LCLAT1: variants seen among roughly 807,000 people sequenced by gnomAD.
LCLAT1 encodes lysocardiolipin acyltransferase 1.
Under a neutral mutation model 30.7 loss-of-function variants are expected in LCLAT1, and 11 were observed. The ratio of observed to expected loss-of-function variants is 0.36; its 90% CI spans 0.23 to 0.59. LCLAT1 has a LOEUF of 0.59. Ranked by LOEUF, LCLAT1 falls within the 20% of genes least tolerant of loss-of-function variation. LCLAT1 has a pLI of 0.77. For synonymous variants in LCLAT1, 155 were observed against 151.3 expected, an observed-to-expected ratio of 1.02 and a Z score of -0.18; for missense variants, 402 against 458.6, an observed-to-expected ratio of 0.88 and a Z score of 1.13.
chr2:30,447,347 C>T lies in LCLAT1; in HGVS notation c.-41C>T, dbSNP rs932934202. The T allele has an allele frequency of 6.6e-6, 1 of 152,170 alleles. No individual in the cohort carries two copies. Among genetic ancestry groups the T allele is most frequent in the African/African-American group, 2.4e-5 (1 of 41,442 alleles). 9.4% of individuals were successfully genotyped at this position (152,170 alleles called of 1,614,324 possible). A position where few individuals can be genotyped will look rare whatever the true frequency, so the allele number is the denominator to read the frequency against. On this transcript the variant is annotated 5_prime_UTR_variant, in exon 1 of 6. Transcript: ENST00000379509. ...CGGAGCCCCAGCTTGCCCACGCACC[C>T]CACTCGGCGTCGCGCGGCGTGCCCT... is the stretch of plus-strand genomic sequence containing the variant.
intron 1 of LCLAT1, among the ~76,000 whole-genome samples, chr2:30,457,913 T>TA (rs1204844908): frequency 3.3e-5 from 5 of 152,194 alleles, no homozygotes; most frequent in African/African-American, 1.2e-4. Context: ...GTGTGAGGAT[T>TA]AAAAGAGATG....
intron 5 of LCLAT1, among the ~76,000 whole-genome samples, chr2:30,605,707 T>C (rs1215455969): frequency 6.6e-6 from 1 of 152,194 alleles, no homozygotes; most frequent in South Asian, 2.1e-4. Flanking sequence ...AAAGGTATAA[T>C]AGCAGTTTTA....
At chr2:30,541,906 A>G (rs1372214023) in intron 3 of LCLAT1, among the ~76,000 whole-genome samples, 1 of 152,206 alleles carries the variant, frequency 6.6e-6, no homozygotes, top group African/African-American at 2.4e-5. Context: ...TTCTAACTTC[A>G]GCTATTTTTG....
At chr2:30,524,057 A>G (rs2148381163) in intron 1 of LCLAT1, among the ~76,000 whole-genome samples, 1 of 106,270 alleles carries the variant, frequency 9.4e-6, no homozygotes, top group Non-Finnish European at 1.9e-5. Flanking sequence ...TTTTTGCTAT[A>G]TAGATTATAA....
At chr2:30,467,967 G>A (rs554316980) in intron 1 of LCLAT1, among the ~76,000 whole-genome samples, 1,593 of 152,216 alleles carry the variant, frequency 0.01, 23 homozygotes, top group African/African-American at 0.036. Flanking sequence ...GTCAGTTTTG[G>A]CTTTTGTTGC....
chr2:30,483,763 A>G (rs1484736161), intron 1 of LCLAT1, among the ~76,000 whole-genome samples: 3 of 152,206 alleles, frequency 2.0e-5, no homozygotes, highest in Non-Finnish European at 2.9e-5. Flanking sequence ...ACTTGTATTT[A>G]AAACTAAAAC....
chr2:30,504,098 G>GTTTATATGTGTGTGTGTGTT (rs1684537395), intron 1 of LCLAT1, among the ~76,000 whole-genome samples: 1 of 151,482 alleles, frequency 6.6e-6, no homozygotes, highest in African/African-American at 2.4e-5. Flanking sequence ...GTGTGTGTGT[G>GTTTATATGTGTGTGTGTGTT]TTTATATATG....
At chr2:30,625,308 A>T (rs1445384275) in intron 5 of LCLAT1, among the ~76,000 whole-genome samples, 1 of 152,174 alleles carries the variant, frequency 6.6e-6, no homozygotes, top group African/African-American at 2.4e-5. Context: ...GGCTGTTTGC[A>T]AAGTTAAATA....
chr2:30,573,166 GC>G (rs542979509), intron 5 of LCLAT1, among the ~76,000 whole-genome samples: 2 of 152,078 alleles, frequency 1.3e-5, no homozygotes, highest in Non-Finnish European at 2.9e-5. Context: ...TTGTTGGCCC[GC>G]CCCCCTCTGC....
At chr2:30,522,015 T>G (rs1685501831) in intron 1 of LCLAT1, among the ~76,000 whole-genome samples, 1 of 152,260 alleles carries the variant, frequency 6.6e-6, no homozygotes, top group Admixed American at 6.5e-5. Context: ...TAACTCAACA[T>G]GTTGCATGGA....
chr2:30,459,308 T>C (rs1398259118), intron 1 of LCLAT1, among the ~76,000 whole-genome samples: 1 of 152,126 alleles, frequency 6.6e-6, no homozygotes, highest in Non-Finnish European at 1.5e-5. Flanking sequence ...TCAGCTGCCC[T>C]CTCTCTCTGG....
rs115292667 is a variant in LCLAT1 at position 30,465,565 on chromosome 2, A to G, written c.-5+18182A>G. Among the ~76,000 whole-genome samples the G allele has an allele frequency of 6.8e-3, 1,032 of 152,338 alleles. 10 individuals carry two copies. Among genetic ancestry groups the G allele is most frequent in the African/African-American group, 0.023 (959 of 41,572 alleles). On this transcript the variant is annotated intron_variant, in intron 1 of 5. Transcript: ENST00000379509. ...TTAAAACAAGAAAGATTCATTCATT[A>G]TATTTACTATGTTAATTATTGTGAA...
At chr2:30,593,707 T>G (rs1451120917) in intron 5 of LCLAT1, among the ~76,000 whole-genome samples, 1 of 152,168 alleles carries the variant, frequency 6.6e-6, no homozygotes, top group East Asian at 1.9e-4. Context: ...AAATATGAAC[T>G]GGAAAATAGT....
intron 1 of LCLAT1, among the ~76,000 whole-genome samples, chr2:30,456,257 C>T (rs954195359): frequency 6.6e-6 from 1 of 152,162 alleles, no homozygotes; most frequent in African/African-American, 2.4e-5. Context: ...GGCCTTCTTA[C>T]CCCTGGGCGG....
At chr2:30,474,528 G>A (rs552872920) in intron 1 of LCLAT1, among the ~76,000 whole-genome samples, 81 of 152,236 alleles carry the variant, frequency 5.3e-4, no homozygotes, top group Middle Eastern at 3.4e-3. Context: ...GAATACAGGC[G>A]TGTGCCACAG....
Position 30,538,425 on chromosome 2 carries a change from C to T in LCLAT1, c.364+5111C>T, listed in dbSNP as rs118117515. 1.9e-3 allele frequency among the ~76,000 whole-genome samples: 296 copies of T among 152,102 alleles called. 2 individuals are homozygous for T. In the East Asian group the frequency reaches 0.029, roughly 15 times the overall value. On this transcript the variant is annotated intron_variant, in intron 3 of 5. Transcript: ENST00000379509. ...TGGGAGGCCAAGGCGGGTGGATCAC[C>T]TGAGTCAGGAGTTGGAGACCAGCCT...
intron 1 of LCLAT1, among the ~76,000 whole-genome samples, chr2:30,505,692 G>A (rs369833205): frequency 6.6e-6 from 1 of 152,060 alleles, no homozygotes; most frequent in South Asian, 2.1e-4. Flanking sequence ...TCCTATACCT[G>A]CTCCACACCT....
At chr2:30,570,223 A>G (rs1665721795) in intron 5 of LCLAT1, among the ~76,000 whole-genome samples, 1 of 152,210 alleles carries the variant, frequency 6.6e-6, no homozygotes, top group South Asian at 2.1e-4. Context: ...TTTTCCTGCC[A>G]GTTGTGACAG....
chr2:30,528,430 G>T (rs1685831309), intron 2 of LCLAT1, among the ~76,000 whole-genome samples: 1 of 152,200 alleles, frequency 6.6e-6, no homozygotes, highest in South Asian at 2.1e-4. Flanking sequence ...GGAAGAGTGG[G>T]CAGAGAAGAG....
Sources: gnomAD v4.1 joint callset for allele counts (sites outside exome capture counted in the v4.1 genomes callset) on GRCh38, gnomAD v4.1.1 for gene constraint, MANE v1.5 for transcripts, NCBI Gene and HGNC (gene_info 2026-07-23, HGNC 2026-07-21) for gene names.